The following ARX variants were observed in gnomAD, a reference collection of about 807,000 sequenced individuals.
The protein encoded by ARX is homeobox protein ARX.
ARX carries 1 observed loss-of-function variant against 23.1 expected under a neutral mutation model. The observed-to-expected ratio is 0.04, with a 90% CI of 0.02 to 0.21. The LOEUF (loss-of-function observed/expected upper bound fraction) is 0.21, where lower values mean the gene tolerates loss of function less well. Among genes scored for constraint, ARX ranks in the 10% least tolerant of loss-of-function variants. The pLI is 1.00. For missense variants in ARX, 380 were observed against 527.5 expected (o/e 0.72, Z 2.74); for synonymous variants, 301 against 270.1 (o/e 1.11, Z -1.12).
chrX:25,009,035 G>C (rs2048690702), intron 3 of ARX, among the ~76,000 whole-genome samples: 1 of 112,141 alleles, frequency 8.9e-6, no homozygotes, highest in African/African-American at 3.2e-5. Flanking sequence ...AATCTGTCTA[G>C]ACAAGAATAT....
At chrX:25,004,987 G>C (rs780368918) in intron 4 of ARX, 77 bp from the exon 5 acceptor site, 2 of 1,051,677 alleles carry the variant, frequency 1.9e-6, no homozygotes, top group East Asian at 7.7e-5. Context: ...CCCGCCGCTT[G>C]TCGCCGGGGC....
Position 25,004,608 on chromosome X carries a change from A to C in ARX, c.*62T>G. The C allele has an allele frequency of 2.6e-6, 3 of 1,158,821 alleles. No individual in the cohort carries two copies. The highest frequency in any genetic ancestry group is 3.4e-6 in the Non-Finnish European group (3 of 870,706). On this transcript the variant is annotated 3_prime_UTR_variant, in exon 5 of 5. Transcript: ENST00000379044. ...GGTCCTCTGTTTCCATTTGGTCTTGAGTGGTGCTGAGTGAGGTGACCTTTC... is the reference window on the plus strand; with the variant it reads ...GGTCCTCTGTTTCCATTTGGTCTTGCGTGGTGCTGAGTGAGGTGACCTTTC...
rs1443901540 is a variant in ARX, at chrX:25,011,423, C to T, written c.1074-1118G>A. On this transcript the variant is annotated intron_variant, in intron 2 of 4. Transcript: ENST00000379044. ...CCTCCTCGTGCACTTCGGTCCTCCCCCGCCCCTAAGCCCGCCAGAAGCTAA... is the reference window on the plus strand; with the variant it reads ...CCTCCTCGTGCACTTCGGTCCTCCCTCGCCCCTAAGCCCGCCAGAAGCTAA... Among the ~76,000 whole-genome samples the T allele has an allele frequency of 2.7e-5, 3 of 112,811 alleles. No homozygotes were observed. The Admixed American group carries it at 2.8e-4, about 10-fold the overall frequency.
rs1310764615 is a variant in ARX at position 25,004,253 on chromosome X, T to A, written c.*417A>T. On this transcript the variant is annotated 3_prime_UTR_variant, in exon 5 of 5. Coordinates refer to ENST00000379044, the MANE Select transcript of ARX (RefSeq NM_139058.3). The stretch of plus-strand genomic sequence containing the variant: ...GGGAGATCAACTTCGAGCGCCAAAA[T>A]GCTATTTAAAAAAAAAAAAGAAAGA... The A allele has an allele frequency of 7.2e-6, 1 of 139,224 alleles. No individual in the cohort carries two copies. Among genetic ancestry groups the A allele is most frequent in the Admixed American group, 8.6e-5 (1 of 11,670 alleles). 11.5% of individuals were successfully genotyped at this position (139,224 alleles called of 1,213,427 possible).
chrX:25,013,536 GGCGGCC>G lies in ARX; in HGVS notation c.453_458del (p.Ala154_Ala155del), dbSNP rs398124512. The G allele has an allele frequency of 2.5e-6, 2 of 813,863 alleles. No homozygotes were observed. Among genetic ancestry groups the G allele is most frequent in the South Asian group, 5.4e-5 (1 of 18,425 alleles). The allele number at this position is 813,863 out of a possible 1,213,427, so 67.1% of individuals were successfully genotyped here. On this transcript the variant is annotated inframe_deletion, in exon 2 of 5. Coordinates refer to ENST00000379044, the MANE Select transcript of ARX (RefSeq NM_139058.3). Reference sequence around the variant, plus strand: ...TGATCTTGAGCGTGTCCCAGGCCGCGGCGGCCGCGGCCGCGGCTGCCGCGGCGGCCC... The same window carrying G: ...TGATCTTGAGCGTGTCCCAGGCCGCGGCGGCCGCGGCTGCCGCGGCGGCCC...
chrX:25,006,133 A>T (rs1370288030), intron 4 of ARX: 1 of 112,118 alleles, frequency 8.9e-6, no homozygotes, highest in Non-Finnish European at 1.9e-5. Context: ...AAGTGGAGGG[A>T]GGGGAGAGAC....
In ARX at chrX:25,015,912, C is replaced by T; in HGVS notation, c.-175G>A. The T allele has an allele frequency of 1.9e-6, 1 of 533,491 alleles. No homozygotes were observed. Among genetic ancestry groups the T allele is most frequent in the South Asian group, 2.9e-5 (1 of 34,075 alleles). The allele number at this position is 533,491 out of a possible 1,213,427, so 44.0% of individuals were successfully genotyped here. A position where few individuals can be genotyped will look rare whatever the true frequency, so the allele number is the denominator to read the frequency against. ...TGCCGGCTGCCGGCTCCCGCCCTGC[C>T]CGCGGCCCGAGCTCGCCCTCTCCGC... is the stretch of plus-strand genomic sequence containing the variant. On this transcript the variant is annotated 5_prime_UTR_variant, in exon 1 of 5. Transcript: ENST00000379044.
intron 2 of ARX, among the ~76,000 whole-genome samples, 187 bp downstream of exon 2, chrX:25,012,735 C>T (rs934260140): frequency 5.4e-5 from 6 of 112,112 alleles, no homozygotes; most frequent in African/African-American, 1.9e-4. Context: ...AAGCCCGAAC[C>T]GGGGTGGGGG....
chrX:25,013,441 G>T lies in ARX; in HGVS notation c.554C>A (p.Pro185Gln), dbSNP rs925128416. 32 of 935,863 alleles carry T rather than the reference G, an allele frequency of 3.4e-5. No individual in the cohort carries two copies. In the African/African-American group the frequency reaches 6.2e-4, roughly 18 times the overall value. The allele number at this position is 935,863 out of a possible 1,213,427, so 77.1% of individuals were successfully genotyped here. Residue 185 changes from proline (P) to glutamine (Q), a missense_variant, in exon 2 of 5, where the codon CCG becomes CAG. Pro to Gln is a moderately conservative substitution (Grantham distance 76). Coordinates refer to ENST00000379044, the MANE Select transcript of ARX (RefSeq NM_139058.3). ...YRENGAPFVP[P>Q]PPALDELGGP... is the part of the protein sequence containing the mutation. ...GCCCAGCTCGTCCAGCGCGGGCGGCGGCGGCACGAAGGGCGCCCCGTTCTC... is the reference window on the plus strand; with the variant it reads ...GCCCAGCTCGTCCAGCGCGGGCGGCTGCGGCACGAAGGGCGCCCCGTTCTC...
intron 3 of ARX, among the ~76,000 whole-genome samples, chrX:25,008,292 A>G (rs2048687389): frequency 8.8e-6 from 1 of 112,999 alleles, no homozygotes; most frequent in African/African-American, 3.2e-5. Flanking sequence ...GCAGGCAGCA[A>G]TACCTGGGCG....
Position 25,004,373 on chromosome X carries a change from A to C in ARX, c.*297T>G. 1 of 313,256 alleles carries C rather than the reference A, an allele frequency of 3.2e-6. No individual in the cohort carries two copies. The highest frequency in any genetic ancestry group is 5.5e-6 in the Non-Finnish European group (1 of 182,948). 25.8% of individuals were successfully genotyped at this position (313,256 alleles called of 1,213,427 possible). A position where few individuals can be genotyped will look rare whatever the true frequency, so the allele number is the denominator to read the frequency against. On this transcript the variant is annotated 3_prime_UTR_variant, in exon 5 of 5. Coordinates refer to ENST00000379044, the MANE Select transcript of ARX (RefSeq NM_139058.3). Reference sequence around the variant, plus strand: ...TTCAATATCAGGCGTCTGGGGGAGAAAACCTCCCCGATATTTTCAGGAAAG... The same window carrying C: ...TTCAATATCAGGCGTCTGGGGGAGACAACCTCCCCGATATTTTCAGGAAAG...
Position 25,004,787 on chromosome X carries a change from G to A in ARX, c.1572C>T (p.Ala524=), listed in dbSNP as rs1601945631. The change falls in exon 5 of 5, where the codon GCC becomes GCT. Residue 524 remains alanine (A), a synonymous_variant. Coordinates refer to ENST00000379044, the MANE Select transcript of ARX (RefSeq NM_139058.3). ...SGALADPATA[A]ADRRASSIAA... is the part of the protein sequence containing the mutation. ...CTATGCTAGAGGCGCGTCTGTCTGC[G>A]GCCGCCGTGGCCGGGTCGGCCAGGG... is the stretch of plus-strand genomic sequence containing the variant. 2.6e-6 allele frequency: 3 copies of A among 1,168,997 alleles called. No homozygotes were observed. The highest frequency in any genetic ancestry group is 3.4e-6 in the Non-Finnish European group (3 of 874,603).
At chrX:25,014,434 T>C (rs1162394734) in intron 1 of ARX, among the ~76,000 whole-genome samples, 5 of 113,181 alleles carry the variant, frequency 4.4e-5, no homozygotes, top group Non-Finnish European at 3.7e-5. Flanking sequence ...GGTGCAGCCC[T>C]GAAGGCGACC....
chrX:25,005,318 A>G (rs1188666766), intron 4 of ARX, among the ~76,000 whole-genome samples: 1 of 97,927 alleles, frequency 1.0e-5, no homozygotes, highest in African/African-American at 4.2e-5. Context: ...GAGGAGAGCA[A>G]AAGAAGGGAA....
chrX:25,007,476 G>T, intron 3 of ARX, 37 bp from the exon 4 acceptor site: 2 of 1,138,762 alleles, frequency 1.8e-6, no homozygotes, highest in Non-Finnish European at 1.2e-6. Flanking sequence ...GGCGCGGCTC[G>T]GCCCGGCGGG....
At chrX:25,010,461 C>T (rs1483401306) in intron 2 of ARX, among the ~76,000 whole-genome samples, 156 bp from the exon 3 acceptor site, 2 of 110,525 alleles carry the variant, frequency 1.8e-5, no homozygotes, top group South Asian at 4.0e-4. Context: ...TCCATCACCC[C>T]CTGGAGTGCC....
At chrX:25,012,701 A>T (rs2048706917) in intron 2 of ARX, among the ~76,000 whole-genome samples, 1 of 112,970 alleles carries the variant, frequency 8.9e-6, no homozygotes. Flanking sequence ...TGGGAAGAAG[A>T]TAAACCATTC....
chrX:25,007,821 G>A (rs1361313649), intron 3 of ARX, among the ~76,000 whole-genome samples: 1 of 111,191 alleles, frequency 9.0e-6, no homozygotes, highest in African/African-American at 3.3e-5. Context: ...CTCAGTTTTC[G>A]AATCTGTAAA....
Position 25,004,730 on chromosome X carries a change from C to T in ARX, c.1629G>A (p.Ala543=), listed in dbSNP as rs747952341. The T allele has an allele frequency of 1.7e-6, 2 of 1,166,007 alleles. No individual in the cohort carries two copies. Among genetic ancestry groups the T allele is most frequent in the East Asian group, 3.2e-5 (1 of 30,797 alleles). The change falls in exon 5 of 5, where the codon GCG becomes GCA. Residue 543 remains alanine (A), a synonymous_variant. Coordinates refer to ENST00000379044, the MANE Select transcript of ARX (RefSeq NM_139058.3). ...GGATGTTGAGCTGCGTGAGCTGCGC[C>T]GCGTGCTCCTTGGCCTTGAGCCTCA... ...AALRLKAKEH[A]AQLTQLNILP...
Sources: gnomAD v4.1 joint callset for allele counts (sites outside exome capture counted in the v4.1 genomes callset) on GRCh38, gnomAD v4.1.1 for gene constraint, MANE v1.5 for transcripts, NCBI Gene and HGNC (gene_info 2026-07-23, HGNC 2026-07-21) for gene names.